EFCAB7: variants seen among roughly 807,000 people sequenced by gnomAD.
The protein encoded by EFCAB7 is EF-hand calcium-binding domain-containing protein 7.
Under a neutral mutation model 77.1 loss-of-function variants are expected in EFCAB7, and 66 were observed. That is an observed-to-expected ratio of 0.86 (90% CI 0.70 to 1.05). EFCAB7 has a LOEUF of 1.05. Among genes scored for constraint, EFCAB7 ranks in the 50% least tolerant of loss-of-function variants. The pLI, the probability that EFCAB7 is intolerant of heterozygous loss-of-function variation, is 0.00. For missense variants in EFCAB7, 638 were observed against 730.5 expected, an observed-to-expected ratio of 0.87 and a Z score of 1.46; for synonymous variants, 225 against 243.3, an observed-to-expected ratio of 0.92 and a Z score of 0.70.
chr1:63,545,538 C>T (rs1468107584), intron 6 of EFCAB7, among the ~76,000 whole-genome samples: 1 of 152,174 alleles, frequency 6.6e-6, no homozygotes, highest in Non-Finnish European at 1.5e-5. Context: ...GCGATCTCGG[C>T]TCACTGCATC....
At chr1:63,558,942 G>T (rs1647061200) in intron 10 of EFCAB7, among the ~76,000 whole-genome samples, 1 of 151,392 alleles carries the variant, frequency 6.6e-6, no homozygotes, top group Non-Finnish European at 1.5e-5. Context: ...TAGCACTCTG[G>T]AAGGCTAAGG....
At chr1:63,532,603 A>T in intron 3 of EFCAB7, 67 bp from the exon 4 acceptor site, 1 of 1,239,064 alleles carries the variant, frequency 8.1e-7, no homozygotes, top group East Asian at 2.5e-5. Flanking sequence ...ATGTGCTTCC[A>T]CTGTCCCCAT....
intron 9 of EFCAB7, 122 bp from the exon 10 acceptor site, chr1:63,556,992 C>G: frequency 4.3e-6 from 3 of 698,892 alleles, no homozygotes; most frequent in Non-Finnish European, 4.2e-6. Flanking sequence ...GAGCCGAGAT[C>G]ACGCCACTGC....
chr1:63,561,209 T>TA (rs1647096030), intron 10 of EFCAB7, among the ~76,000 whole-genome samples: 1 of 152,178 alleles, frequency 6.6e-6, no homozygotes, highest in African/African-American at 2.4e-5. Flanking sequence ...ACAATTTAGC[T>TA]AAAATTAGAG....
At chr1:63,525,012 G>A (rs920927814) in intron 1 of EFCAB7, among the ~76,000 whole-genome samples, 1 of 152,154 alleles carries the variant, frequency 6.6e-6, no homozygotes, top group African/African-American at 2.4e-5. Context: ...TTAATGAAAT[G>A]ATCTTGTTGA....
At chr1:63,584,513 C>G in the EFCAB7 span, among the ~76,000 whole-genome samples, 1 of 152,176 alleles carries the variant, frequency 6.6e-6, no homozygotes, top group Non-Finnish European at 1.5e-5. Flanking sequence ...GATTGCACCA[C>G]CACAATCCAG....
At chr1:63,556,524 AAGT>A (rs2100911749) in intron 9 of EFCAB7, among the ~76,000 whole-genome samples, 1 of 152,254 alleles carries the variant, frequency 6.6e-6, no homozygotes, top group East Asian at 1.9e-4. Context: ...AGGAAGAAGA[AAGT>A]AGATTGGAGA....
In EFCAB7 at chr1:63,572,641, C is replaced by A; in HGVS notation, c.*125C>A. ...AATCTATTCAATTTATATGCATTTT[C>A]ATTTTATGTCCATGGTATGTACTTT... On this transcript the variant is annotated 3_prime_UTR_variant, in exon 14 of 14. Transcript: ENST00000371088. The A allele has an allele frequency of 9.0e-7, 1 of 1,112,396 alleles. No homozygotes were observed. The allele number at this position is 1,112,396 out of a possible 1,614,324, so 68.9% of individuals were successfully genotyped here.
At chr1:63,567,374 A>T (rs893853496) in intron 11 of EFCAB7, among the ~76,000 whole-genome samples, 11 of 151,766 alleles carry the variant, frequency 7.2e-5, no homozygotes, top group Admixed American at 7.2e-4. Context: ...AATCACTTGA[A>T]CCCGGGAAGC....
In EFCAB7 at chr1:63,572,494, G is replaced by A; in HGVS notation, c.1868G>A (p.Cys623Tyr). 6.6e-7 allele frequency: 1 copy of A among 1,516,828 alleles called. No homozygotes were observed. The highest frequency in any genetic ancestry group is 8.9e-7 in the Non-Finnish European group (1 of 1,120,112). The allele number at this position is 1,516,828 out of a possible 1,614,324, so 94.0% of individuals were successfully genotyped here. The change falls in exon 14 of 14, where the codon TGT becomes TAT. Residue 623 changes from cysteine to tyrosine, a missense_variant. Cys to Tyr is a radical substitution (Grantham distance 194). Transcript: ENST00000371088. The part of the protein sequence containing the change: ...LNERQEWIYY[C>Y]IYSLIS Reference sequence around the variant, plus strand: ...GAACGACAAGAATGGATATATTATTGTATATATTCTCTTATTTCTTAAATA... The same window carrying A: ...GAACGACAAGAATGGATATATTATTATATATATTCTCTTATTTCTTAAATA...
At chr1:63,573,892 C>T (rs1279618031), downstream of EFCAB7, among the ~76,000 whole-genome samples, 1 of 152,012 alleles carries the variant, frequency 6.6e-6, no homozygotes, top group African/African-American at 2.4e-5. Flanking sequence ...CATCAGTTTG[C>T]TGAATACCAA....
chr1:63,579,411 G>A, the EFCAB7 span, among the ~76,000 whole-genome samples: 1 of 152,126 alleles, frequency 6.6e-6, no homozygotes, highest in Non-Finnish European at 1.5e-5. Context: ...CTTTATTGCT[G>A]AGTAGTATTT....
Position 63,572,461 on chromosome 1 carries a change from C to G in EFCAB7, c.1835C>G (p.Pro612Arg), listed in dbSNP as rs1647291160. ...KSTMVCQHVM[P>R]LNERQEWIYY... ...GTGCAGGTTTGTCAACATGTAATGC[C>G]TTTGAATGAACGACAAGAATGGATA... The change falls in exon 14 of 14, where the codon CCT (proline) becomes CGT (arginine). Residue 612 changes from proline to arginine, a missense_variant. Transcript: ENST00000371088. The G allele has an allele frequency of 1.9e-6, 3 of 1,581,246 alleles. No homozygotes were observed. The highest frequency in any genetic ancestry group is 2.6e-6 in the Non-Finnish European group (3 of 1,165,896).
At chr1:63,545,539 T>C (rs1215816550) in intron 6 of EFCAB7, among the ~76,000 whole-genome samples, 1 of 152,218 alleles carries the variant, frequency 6.6e-6, no homozygotes, top group Non-Finnish European at 1.5e-5. Context: ...CGATCTCGGC[T>C]CACTGCATCC....
At position 63,531,896 on chromosome 1, in the gene EFCAB7, T is replaced by A; in HGVS notation, c.264T>A (p.Asn88Lys). The part of the protein sequence containing the change: ...KYWTPQTAKL[N>K]FDDFCIILRK... The stretch of plus-strand genomic sequence containing the variant: ...GGACTCCTCAAACTGCCAAACTGAA[T>A]TTTGATGATTTTTGTATAATTTTAA... The change falls in exon 3 of 14, where the codon AAT (asparagine) becomes AAA (lysine). Residue 88 changes from asparagine (N) to lysine (K), a missense_variant. Asn to Lys is a moderately conservative substitution (Grantham distance 94). Coordinates refer to ENST00000371088, the MANE Select transcript of EFCAB7 (RefSeq NM_032437.4). 1 of 1,613,280 alleles carries A rather than the reference T, an allele frequency of 6.2e-7. No homozygotes were observed. Among genetic ancestry groups the A allele is most frequent in the Non-Finnish European group, 8.5e-7 (1 of 1,179,504 alleles).
In EFCAB7 at chr1:63,543,034, G is replaced by A. The variant is rs556190814; in HGVS notation, c.805-2882G>A. 3.3e-5 allele frequency among the ~76,000 whole-genome samples: 5 copies of A among 152,212 alleles called. No individual in the cohort carries two copies. The South Asian group carries it at 6.2e-4, about 19-fold the overall frequency. On this transcript the variant is annotated intron_variant, in intron 6 of 13. Transcript: ENST00000371088. ...CTGAGAAACCATTGCCAGATCCAGC[G>A]TCAGCTTTCCCCCTATGTTTTCTTC...
chr1:63,538,831 C>G (rs1646795171), intron 6 of EFCAB7, among the ~76,000 whole-genome samples: 2 of 152,142 alleles, frequency 1.3e-5, no homozygotes. Context: ...TCCTTTTGAA[C>G]AGTAGGAGCT....
the EFCAB7 span, among the ~76,000 whole-genome samples, chr1:63,579,012 A>G: frequency 5.8e-3 from 878 of 152,186 alleles, 3 homozygotes; most frequent in Non-Finnish European, 9.9e-3. Context: ...TAAAACGAGT[A>G]CTTTTTTCCT....
chr1:63,531,679 T>TACC (rs1557670406), intron 2 of EFCAB7, 141 bp from the exon 3 acceptor site: 1 of 743,474 alleles, frequency 1.3e-6, no homozygotes, highest in Non-Finnish European at 2.2e-6. Context: ...TATCACTAGA[T>TACC]AAGTCAACAC....
Sources: gnomAD v4.1 joint callset for allele counts (sites outside exome capture counted in the v4.1 genomes callset) on GRCh38, gnomAD v4.1.1 for gene constraint, MANE v1.5 for transcripts, NCBI Gene and HGNC (gene_info 2026-07-23, HGNC 2026-07-21) for gene names.